Variants in ADCY8 observed in about 807,000 individuals in gnomAD.
ADCY8 encodes adenylate cyclase 8.
A neutral mutation model predicts 119.7 loss-of-function variants in ADCY8; 51 were observed. The observed-to-expected ratio is 0.43, with a 90% CI of 0.34 to 0.54. ADCY8 has a LOEUF of 0.54. Among genes scored for constraint, ADCY8 ranks in the 20% least tolerant of loss-of-function variants. ADCY8 has a pLI of 0.03. For synonymous variants in ADCY8, 665 were observed against 651.0 expected (o/e 1.02, Z -0.33); for missense variants, 1,383 against 1,598.8 (o/e 0.87, Z 2.30).
intron 8 of ADCY8, among the ~76,000 whole-genome samples, chr8:130,882,778 A>T (rs919859514): frequency 6.6e-6 from 1 of 152,204 alleles, no homozygotes; most frequent in African/African-American, 2.4e-5. Context: ...AATGAATGTT[A>T]CTTGTGATAT....
At chr8:131,020,358 G>A (rs1052448613) in intron 1 of ADCY8, among the ~76,000 whole-genome samples, 1 of 152,160 alleles carries the variant, frequency 6.6e-6, no homozygotes, top group Non-Finnish European at 1.5e-5. Flanking sequence ...AGAAGACACG[G>A]ATTGGATGCA....
chr8:131,037,741 A>G (rs183500730), intron 1 of ADCY8, among the ~76,000 whole-genome samples: 113 of 152,290 alleles, frequency 7.4e-4, no homozygotes, highest in Non-Finnish European at 7.6e-4. Flanking sequence ...AAAAAAGAGA[A>G]TGAGAGAGCT....
At chr8:131,012,422 G>T (rs1486641340) in intron 1 of ADCY8, among the ~76,000 whole-genome samples, 1 of 152,174 alleles carries the variant, frequency 6.6e-6, no homozygotes, top group African/African-American at 2.4e-5. Flanking sequence ...ACTGTAATTT[G>T]TCCCACTAAT....
At chr8:131,019,836 T>A (rs1483752039) in intron 1 of ADCY8, among the ~76,000 whole-genome samples, 1 of 102,594 alleles carries the variant, frequency 9.7e-6, no homozygotes, top group Non-Finnish European at 1.9e-5. Flanking sequence ...TCTCTCTCTC[T>A]CTGTCTGTCT....
intron 10 of ADCY8, among the ~76,000 whole-genome samples, chr8:130,848,626 T>C (rs1817410047): frequency 1.3e-5 from 2 of 152,124 alleles, no homozygotes; most frequent in African/African-American, 4.8e-5. Flanking sequence ...CCTGCACACT[T>C]GGGGACCCTC....
At chr8:130,871,829 A>G (rs1301348178) in intron 8 of ADCY8, among the ~76,000 whole-genome samples, 1 of 152,058 alleles carries the variant, frequency 6.6e-6, no homozygotes, top group Non-Finnish European at 1.5e-5. Context: ...AAGATTACCC[A>G]CCACCGGGTA....
chr8:130,992,393 A>ATTGAGCAACTG (rs1563758982), intron 1 of ADCY8, among the ~76,000 whole-genome samples: 1 of 107,776 alleles, frequency 9.3e-6, no homozygotes, highest in Non-Finnish European at 1.8e-5. Flanking sequence ...ATATATATAT[A>ATTGAGCAACTG]TATATATATA....
At chr8:130,804,012 T>C (rs1008861685) in intron 14 of ADCY8, among the ~76,000 whole-genome samples, 1 of 152,128 alleles carries the variant, frequency 6.6e-6, no homozygotes, top group Admixed American at 6.5e-5. Flanking sequence ...AAAGGTGGAT[T>C]TCTGTTTTCC....
intron 5 of ADCY8, among the ~76,000 whole-genome samples, chr8:130,924,177 T>A (rs1453841894): frequency 1.3e-5 from 2 of 152,330 alleles, no homozygotes; most frequent in East Asian, 3.9e-4. Context: ...ACTAGTCATG[T>A]GATCTAGGTG....
At chr8:130,916,573 A>G (rs1820135543) in intron 5 of ADCY8, among the ~76,000 whole-genome samples, 1 of 152,242 alleles carries the variant, frequency 6.6e-6, no homozygotes, top group Non-Finnish European at 1.5e-5. Flanking sequence ...CTCTGCAGCA[A>G]TGTAACATGT....
intron 5 of ADCY8, among the ~76,000 whole-genome samples, chr8:130,913,959 G>A (rs1019034159): frequency 1.3e-5 from 2 of 152,182 alleles, no homozygotes; most frequent in Non-Finnish European, 2.9e-5. Flanking sequence ...TCGATAAAAT[G>A]TTAATAACGT....
intron 2 of ADCY8, among the ~76,000 whole-genome samples, chr8:130,980,013 G>C (rs576556222): frequency 3.9e-5 from 6 of 152,200 alleles, no homozygotes. Flanking sequence ...GGAAGGTATT[G>C]TCAGGGTTGG....
intron 10 of ADCY8, among the ~76,000 whole-genome samples, chr8:130,848,996 G>C (rs1817424549): frequency 6.6e-6 from 1 of 152,078 alleles, no homozygotes; most frequent in Non-Finnish European, 1.5e-5. Flanking sequence ...CCATTAAATG[G>C]GGACAATAAT....
At chr8:131,011,715 G>A (rs140697911) in intron 1 of ADCY8, among the ~76,000 whole-genome samples, 259 of 152,154 alleles carry the variant, frequency 1.7e-3, no homozygotes, top group African/African-American at 5.7e-3. Flanking sequence ...GTGTTGTGTC[G>A]GACAAAGGGA....
At chr8:130,996,198 T>A (rs1822768712) in intron 1 of ADCY8, among the ~76,000 whole-genome samples, 1 of 152,162 alleles carries the variant, frequency 6.6e-6, no homozygotes, top group Non-Finnish European at 1.5e-5. Flanking sequence ...GAGGTATTTC[T>A]GTTAAAAATG....
intron 1 of ADCY8, among the ~76,000 whole-genome samples, chr8:130,991,887 TAAG>T (rs1003081569): frequency 6.6e-6 from 1 of 151,122 alleles, no homozygotes; most frequent in Non-Finnish European, 1.5e-5. Flanking sequence ...AGATAAGAAA[TAAG>T]AAAAGAAATA....
chr8:130,846,192 A>T (rs1052796736), intron 11 of ADCY8, among the ~76,000 whole-genome samples: 2 of 151,958 alleles, frequency 1.3e-5, no homozygotes, highest in African/African-American at 4.8e-5. Flanking sequence ...AGAGAACAAG[A>T]ATCTACCCAG....
At chr8:130,781,911 C>T (rs1338353402) in intron 17 of ADCY8, among the ~76,000 whole-genome samples, 3 of 152,090 alleles carry the variant, frequency 2.0e-5, no homozygotes, top group Non-Finnish European at 4.4e-5. Flanking sequence ...CAGTCCTAGG[C>T]ATTGGGGATG....
At chr8:131,007,735 TA>T (rs1823167849) in intron 1 of ADCY8, among the ~76,000 whole-genome samples, 2 of 152,250 alleles carry the variant, frequency 1.3e-5, no homozygotes, top group Non-Finnish European at 2.9e-5. Flanking sequence ...TCTTTTTGTA[TA>T]TGTGACTTTA....
Sources: allele counts gnomAD v4.1 joint callset (sites outside exome capture counted in the v4.1 genomes callset), GRCh38; gene constraint gnomAD v4.1.1; transcripts MANE v1.5; gene names NCBI Gene and HGNC (gene_info 2026-07-23, HGNC 2026-07-21).